Variants in CRTC3 observed in about 807,000 individuals in gnomAD.
The protein encoded by CRTC3 is CREB regulated transcription coactivator 3.
A neutral mutation model predicts 74.5 loss-of-function variants in CRTC3; 26 were observed. That is an observed-to-expected ratio of 0.35 (90% CI 0.26 to 0.48). CRTC3 has a LOEUF of 0.48. Among genes scored for constraint, CRTC3 ranks in the 20% least tolerant of loss-of-function variants. The pLI is 0.99. For synonymous variants in CRTC3, 377 were observed against 325.8 expected (o/e 1.16, Z -1.69); for missense variants, 760 against 787.3 (o/e 0.97, Z 0.41).
intron 13 of CRTC3, among the ~76,000 whole-genome samples, chr15:90,639,844 G>A (rs1463651097): frequency 1.3e-5 from 2 of 151,116 alleles, no homozygotes; most frequent in South Asian, 4.2e-4. Context: ...TCAGGAGATC[G>A]AGACCATCCT....
intron 2 of CRTC3, among the ~76,000 whole-genome samples, chr15:90,562,312 C>T (rs770783686): frequency 3.9e-5 from 6 of 152,196 alleles, no homozygotes; most frequent in Non-Finnish European, 8.8e-5. Flanking sequence ...TGAGTTCCCA[C>T]ATCAACCTTC....
chr15:90,622,572 T>C (rs1007163705), intron 9 of CRTC3, among the ~76,000 whole-genome samples: 1 of 152,202 alleles, frequency 6.6e-6, no homozygotes, highest in Non-Finnish European at 1.5e-5. Flanking sequence ...AAATTCAGGC[T>C]GGGCGCAGTG....
At chr15:90,575,316 A>C (rs1448814043) in intron 2 of CRTC3, among the ~76,000 whole-genome samples, 1 of 152,166 alleles carries the variant, frequency 6.6e-6, no homozygotes, top group Non-Finnish European at 1.5e-5. Flanking sequence ...GTGCCATTGC[A>C]CTCTAGACTG....
chr15:90,637,149 C>A (rs1298468775), intron 11 of CRTC3, among the ~76,000 whole-genome samples: 1 of 152,196 alleles, frequency 6.6e-6, no homozygotes, highest in African/African-American at 2.4e-5. Context: ...GACTTGGAAC[C>A]AAGCCAGATG....
At chr15:90,541,944 C>A (rs1242431828) in intron 2 of CRTC3, among the ~76,000 whole-genome samples, 1 of 151,608 alleles carries the variant, frequency 6.6e-6, no homozygotes. Context: ...ACTACCACGC[C>A]CAGCTAATTT....
rs1475990502 is a variant in CRTC3, at chr15:90,643,456, G to C, written c.*1316G>C. On this transcript the variant is annotated 3_prime_UTR_variant, in exon 15 of 15. Coordinates refer to ENST00000268184, the MANE Select transcript of CRTC3 (RefSeq NM_022769.5). ...TCTTCTGAGTACATCCGGAAGGGCT[G>C]AGCAGGTGAGTGCCCTGAGCATCCT... 8.7e-6 allele frequency: 2 copies of C among 229,498 alleles called. No individual in the cohort carries two copies. Among genetic ancestry groups the C allele is most frequent in the African/African-American group, 2.2e-5 (1 of 45,088 alleles). The allele number at this position is 229,498 out of a possible 1,614,324, so 14.2% of individuals were successfully genotyped here.
At chr15:90,619,630 C>G in intron 8 of CRTC3, 111 bp from the exon 9 acceptor site, 1 of 833,244 alleles carries the variant, frequency 1.2e-6, no homozygotes, top group Non-Finnish European at 2.1e-6. Context: ...TGTCGACACG[C>G]AAGCTCTCAC....
intron 2 of CRTC3, among the ~76,000 whole-genome samples, chr15:90,549,983 C>G (rs978019148): frequency 2.0e-5 from 3 of 150,008 alleles, no homozygotes; most frequent in Non-Finnish European, 4.4e-5. Context: ...GGATTACAGG[C>G]GTGAGCCACC....
chr15:90,614,616 C>A, intron 7 of CRTC3, 128 bp downstream of exon 7: 1 of 623,620 alleles, frequency 1.6e-6, no homozygotes. Flanking sequence ...TGCTGATTGG[C>A]TTACTTTTCA....
In CRTC3 at chr15:90,604,421, G is replaced by C; in HGVS notation, c.450G>C (p.Gly150=). 2 of 1,613,980 alleles carry C rather than the reference G, an allele frequency of 1.2e-6. No homozygotes were observed. Among genetic ancestry groups the C allele is most frequent in the African/African-American group, 1.3e-5 (1 of 75,018 alleles). The change falls in exon 5 of 15, where the codon GGG becomes GGC. Residue 150 remains glycine, a synonymous_variant. Transcript: ENST00000268184. ...CTTGGAAAGACGAAAAGCATCCTGG[G>C]TTCAGGCTGACATCTGCACTTAACA... The part of the protein sequence containing the change: ...QPPWKDEKHP[G]FRLTSALNRT...
chr15:90,574,064 G>A (rs892986859), intron 2 of CRTC3, among the ~76,000 whole-genome samples: 1 of 152,124 alleles, frequency 6.6e-6, no homozygotes, highest in Non-Finnish European at 1.5e-5. Context: ...AGTTCACAAA[G>A]TACACCTTTA....
chr15:90,562,037 A>G (rs1358789023), intron 2 of CRTC3, among the ~76,000 whole-genome samples: 1 of 152,196 alleles, frequency 6.6e-6, no homozygotes, highest in African/African-American at 2.4e-5. Flanking sequence ...CTGCCTCGAC[A>G]ACAGATAGCT....
Position 90,629,371 on chromosome 15 carries a change from C to T in CRTC3, c.1105C>T (p.Leu369Phe). Residue 369 changes from leucine to phenylalanine, a missense_variant, in exon 11 of 15, where the codon CTT (leucine) becomes TTT (phenylalanine). By Grantham distance (22) the Leu-to-Phe change is conservative. This residue lies in a region of CRTC3 where 652 missense variants were observed against 635.2 expected (regional missense o/e 1.03). Transcript: ENST00000268184. ...TCACCCTTCGCTCCGTCTGTTTTCC[C>T]TTAGCAACCCATCTCTTTCCACCAC... ...ALHPSLRLFSLSNPSLSTTNL... is the reference protein window; with the variant it reads ...ALHPSLRLFSFSNPSLSTTNL... 1 of 1,614,114 alleles carries T rather than the reference C, an allele frequency of 6.2e-7. No homozygotes were observed. Among genetic ancestry groups the T allele is most frequent in the Non-Finnish European group, 8.5e-7 (1 of 1,180,014 alleles).
chr15:90,629,572 G>C (rs1439047095), intron 11 of CRTC3, 40 bp downstream of exon 11: 1 of 1,598,398 alleles, frequency 6.3e-7, no homozygotes, highest in South Asian at 1.1e-5. Flanking sequence ...CAGTGAAACA[G>C]ACTGCAAGAT....
intron 2 of CRTC3, among the ~76,000 whole-genome samples, chr15:90,578,184 T>A (rs1967451081): frequency 6.6e-6 from 1 of 152,166 alleles, no homozygotes; most frequent in South Asian, 2.1e-4. Context: ...CCCAAAGTGC[T>A]GGGATTACAG....
chr15:90,609,397 A>G (rs1567183141), intron 6 of CRTC3, among the ~76,000 whole-genome samples: 1 of 152,174 alleles, frequency 6.6e-6, no homozygotes, highest in East Asian at 1.9e-4. Flanking sequence ...AACAAAGCCT[A>G]AAAAAAGCAG....
At chr15:90,538,330 A>G (rs1180277119) in intron 1 of CRTC3, among the ~76,000 whole-genome samples, 1 of 30,018 alleles carries the variant, frequency 3.3e-5, no homozygotes, top group Non-Finnish European at 8.2e-5. Context: ...CTAGATGGAA[A>G]AAACACCATG....
intron 11 of CRTC3, among the ~76,000 whole-genome samples, chr15:90,636,798 A>G (rs980484753): frequency 1.4e-3 from 206 of 152,370 alleles, no homozygotes; most frequent in African/African-American, 4.7e-3. Flanking sequence ...AAGACACATG[A>G]AAAAATGCTC....
intron 5 of CRTC3, among the ~76,000 whole-genome samples, chr15:90,604,960 C>G (rs1253615574): frequency 6.6e-6 from 1 of 152,044 alleles, no homozygotes; most frequent in Non-Finnish European, 1.5e-5. Flanking sequence ...AGGTGAAGGA[C>G]TAGGATTTGA....
Sources: allele counts gnomAD v4.1 joint callset (sites outside exome capture counted in the v4.1 genomes callset), GRCh38; gene constraint gnomAD v4.1.1; regional missense constraint gnomAD v4.1.1; transcripts MANE v1.5; gene names NCBI Gene and HGNC (gene_info 2026-07-23, HGNC 2026-07-21).